Variants in FHIT observed in about 807,000 individuals in gnomAD.
FHIT encodes the protein bis(5'-adenosyl)-triphosphatase.
A neutral mutation model predicts 17.9 loss-of-function variants in FHIT; 19 were observed. That is an observed-to-expected ratio of 1.06 (90% confidence interval 0.74 to 1.56). The LOEUF is 1.56. FHIT is among the 40% of genes most tolerant of loss of function. The pLI is 0.00. For missense variants in FHIT, 248 were observed against 189.2 expected (o/e 1.31, Z -1.82); for synonymous variants, 81 against 69.7 (o/e 1.16, Z -0.81).
At chr3:60,249,863 C>T (rs183269560) in intron 5 of FHIT, among the ~76,000 whole-genome samples, 84 of 152,212 alleles carry the variant, frequency 5.5e-4, no homozygotes, top group South Asian at 2.1e-4. Flanking sequence ...AGGCCTCACA[C>T]GCATGCCAGG....
At chr3:60,455,736 G>A (rs1019478871) in intron 5 of FHIT, among the ~76,000 whole-genome samples, 2 of 152,008 alleles carry the variant, frequency 1.3e-5, no homozygotes, top group South Asian at 2.1e-4. Context: ...AGGATCCTGA[G>A]AATGACTTCC....
chr3:60,213,526 T>C (rs1442327279), intron 5 of FHIT, among the ~76,000 whole-genome samples: 1 of 152,096 alleles, frequency 6.6e-6, no homozygotes, highest in African/African-American at 2.4e-5. Context: ...ACCACAACCA[T>C]ACAGGATGGG....
At chr3:59,776,049 G>C (rs1206349209) in intron 8 of FHIT, among the ~76,000 whole-genome samples, 1 of 152,208 alleles carries the variant, frequency 6.6e-6, no homozygotes, top group African/African-American at 2.4e-5. Context: ...CCTCGAAAAT[G>C]AATTCGAATT....
intron 5 of FHIT, among the ~76,000 whole-genome samples, chr3:60,454,641 C>T (rs957159476): frequency 2.0e-5 from 3 of 152,112 alleles, no homozygotes; most frequent in Admixed American, 2.0e-4. Context: ...GCCTTAGCCT[C>T]TCAAAGTGCT....
rs112355389 is a variant in FHIT at position 61,157,336 on chromosome 3, G to A, written c.-164+43281C>T. Among the ~76,000 whole-genome samples, 1,246 of 152,148 alleles carry A rather than the reference G, an allele frequency of 8.2e-3. 15 individuals carry two copies. Among genetic ancestry groups the A allele is most frequent in the African/African-American group, 0.027 (1,141 of 41,504 alleles). On this transcript the variant is annotated intron_variant, in intron 2 of 9. Transcript: ENST00000492590. ...GATTTTTAAAGATTATAAGCTTTGC[G>A]TTTTCATATAATCTACCATCCTGCA...
At chr3:60,397,711 C>T (rs868158905) in intron 5 of FHIT, among the ~76,000 whole-genome samples, 3 of 152,142 alleles carry the variant, frequency 2.0e-5, no homozygotes, top group African/African-American at 7.2e-5. Context: ...CACTTCCAAG[C>T]TGAAAACAGT....
At chr3:60,233,853 A>G (rs997337584) in intron 5 of FHIT, among the ~76,000 whole-genome samples, 2 of 152,040 alleles carry the variant, frequency 1.3e-5, no homozygotes, top group Non-Finnish European at 2.9e-5. Flanking sequence ...CTGTACTTAC[A>G]TCTTGCCTGC....
intron 5 of FHIT, among the ~76,000 whole-genome samples, chr3:60,138,174 T>C (rs1301186436): frequency 6.6e-6 from 1 of 152,202 alleles, no homozygotes; most frequent in Non-Finnish European, 1.5e-5. Flanking sequence ...ATGGAAGTTC[T>C]ATTCTTAACA....
chr3:60,339,548 C>A (rs184100749), intron 5 of FHIT, among the ~76,000 whole-genome samples: 1 of 152,158 alleles, frequency 6.6e-6, no homozygotes. Flanking sequence ...GGACGCGAGC[C>A]GATCAGTTTA....
At chr3:61,029,853 A>G (rs1057194710) in intron 3 of FHIT, among the ~76,000 whole-genome samples, 1 of 152,206 alleles carries the variant, frequency 6.6e-6, no homozygotes, top group Admixed American at 6.5e-5. Flanking sequence ...AAGCAAGGCA[A>G]TATTAGTCTT....
intron 2 of FHIT, among the ~76,000 whole-genome samples, chr3:61,099,450 G>C (rs553740602): frequency 7.9e-5 from 12 of 152,198 alleles, no homozygotes; most frequent in Non-Finnish European, 1.5e-4. Context: ...TTAGGGAGGA[G>C]TCCCTCCTCA....
intron 2 of FHIT, among the ~76,000 whole-genome samples, chr3:61,087,286 A>G (rs1408353644): frequency 1.3e-5 from 2 of 152,184 alleles, no homozygotes; most frequent in African/African-American, 4.8e-5. Flanking sequence ...CACATCCAAC[A>G]TAAAGAGAAC....
At chr3:60,788,140 T>G (rs901373808) in intron 4 of FHIT, among the ~76,000 whole-genome samples, 7 of 152,104 alleles carry the variant, frequency 4.6e-5, no homozygotes, top group African/African-American at 1.4e-4. Context: ...ACAAAAATGT[T>G]GTGAAGAAAC....
At chr3:60,714,542 C>T (rs2041629195) in intron 4 of FHIT, among the ~76,000 whole-genome samples, 1 of 152,168 alleles carries the variant, frequency 6.6e-6, no homozygotes, top group African/African-American at 2.4e-5. Flanking sequence ...ACCCCATTGC[C>T]TCAGCCCAAA....
Position 60,950,332 on chromosome 3 carries a change from A to C in FHIT, c.-111+91715T>G, listed in dbSNP as rs376610919. Among the ~76,000 whole-genome samples the C allele has an allele frequency of 1.1e-4, 16 of 152,348 alleles. No homozygotes were observed. The South Asian group carries it at 2.3e-3, about 22-fold the overall frequency. ...ATACTGTAATATCATATTTATTGAG[A>C]GCTGTTATCTTTGTATACCATTGGT... On this transcript the variant is annotated intron_variant, in intron 3 of 9. Coordinates refer to ENST00000492590, the MANE Select transcript of FHIT (RefSeq NM_002012.4).
chr3:59,896,444 C>G (rs1208543039), intron 8 of FHIT, among the ~76,000 whole-genome samples: 1 of 152,140 alleles, frequency 6.6e-6, no homozygotes, highest in African/African-American at 2.4e-5. Context: ...ATCAATTCAA[C>G]ATAAGACTGA....
At chr3:60,470,214 C>G (rs1180770810) in intron 5 of FHIT, among the ~76,000 whole-genome samples, 2 of 152,056 alleles carry the variant, frequency 1.3e-5, no homozygotes, top group East Asian at 3.9e-4. Context: ...TACTGCCTGG[C>G]TACCACCTAT....
At chr3:59,753,773 A>C (rs115038313) in intron 8 of FHIT, among the ~76,000 whole-genome samples, 1 of 152,270 alleles carries the variant, frequency 6.6e-6, no homozygotes, top group Non-Finnish European at 1.5e-5. Flanking sequence ...CTGTGGAGGA[A>C]ACTGAGTTCT....
intron 7 of FHIT, among the ~76,000 whole-genome samples, chr3:59,925,410 G>A (rs9681598): frequency 0.079 from 12,034 of 152,136 alleles, 607 homozygotes; most frequent in Non-Finnish European, 0.12. Context: ...CCAGTATGTG[G>A]AGACATCTTT....
Sources: gnomAD v4.1 joint callset for allele counts (sites outside exome capture counted in the v4.1 genomes callset) on GRCh38, gnomAD v4.1.1 for gene constraint, MANE v1.5 for transcripts, NCBI Gene and HGNC (gene_info 2026-07-23, HGNC 2026-07-21) for gene names.